The following SNRPN variants were observed in gnomAD, a reference collection of about 807,000 sequenced individuals.
SNRPN encodes the protein small nuclear ribonucleoprotein-associated protein N.
SNRPN carries 7 observed loss-of-function variants against 25.2 expected under a neutral mutation model. The observed-to-expected ratio is 0.28, with a 90% CI of 0.16 to 0.52. The LOEUF is 0.52. Among genes scored for constraint, SNRPN ranks in the 20% least tolerant of loss-of-function variants. SNRPN has a pLI of 0.96. For synonymous variants in SNRPN, 124 were observed against 110.6 expected (o/e 1.12, Z -0.76); for missense variants, 196 against 322.5 (o/e 0.61, Z 3.00).
intron 3 of SNRPN, among the ~76,000 whole-genome samples, chr15:24,924,525 C>A (rs79951021): frequency 0.017 from 2,571 of 152,234 alleles, 39 homozygotes; most frequent in South Asian, 0.034. Context: ...GTATGAGCTG[C>A]TCCCCACATA....
rs756691188 is a variant in SNRPN at position 24,975,392 on chromosome 15, T to C, written c.38T>C (p.Ile13Thr). 1 of 1,613,670 alleles carries C rather than the reference T, an allele frequency of 6.2e-7. No individual in the cohort carries two copies. The highest frequency in any genetic ancestry group is 1.7e-5 in the Admixed American group (1 of 60,022). ...AAGAGTAGCAAGATGCTGCAGCACA[T>C]TGACTATAGAATGAGATGTATCCTG... ...VGKSSKMLQHIDYRMRCILQD... is the reference protein window; with the variant it reads ...VGKSSKMLQHTDYRMRCILQD... The change falls in exon 5 of 10, where the codon ATT becomes ACT. Residue 13 changes from isoleucine (I) to threonine (T), a missense_variant. Coordinates refer to ENST00000390687, the MANE Select transcript of SNRPN (RefSeq NM_003097.6).
At chr15:24,966,725 A>G (rs576365520) in intron 2 of SNRPN, among the ~76,000 whole-genome samples, 13 of 152,348 alleles carry the variant, frequency 8.5e-5, no homozygotes, top group African/African-American at 2.9e-4. Context: ...AGCAAAGGCC[A>G]GTTAAATTCT....
chr15:24,956,674 G>A (rs1306282349), intron 1 of SNRPN, among the ~76,000 whole-genome samples: 1 of 152,230 alleles, frequency 6.6e-6, no homozygotes, highest in African/African-American at 2.4e-5. Context: ...TACAGCAGCT[G>A]TTCCTTTCCG....
At chr15:24,829,466 G>A (rs1404759121) in intron 1 of SNRPN, among the ~76,000 whole-genome samples, 1 of 152,076 alleles carries the variant, frequency 6.6e-6, no homozygotes, top group Non-Finnish European at 1.5e-5. Context: ...AAGGACCACT[G>A]GGATGAGTAA....
At chr15:24,957,033 C>T (rs1266912674) in intron 1 of SNRPN, among the ~76,000 whole-genome samples, 2 of 152,148 alleles carry the variant, frequency 1.3e-5, no homozygotes, top group Non-Finnish European at 2.9e-5. Context: ...TAGTTCCTCT[C>T]TTGGTTGTAT....
At position 24,929,441 on chromosome 15, in the gene SNRPN, T is replaced by A. The variant is rs2060649476; in HGVS notation, c.-391+9317T>A. ...TAGATTTAATATTAAACTTTTAAAATTTTCAGATAAATGTAAGCAGGCTTC... is the reference window on the plus strand; with the variant it reads ...TAGATTTAATATTAAACTTTTAAAAATTTCAGATAAATGTAAGCAGGCTTC... On this transcript the variant is annotated intron_variant, in intron 3 of 11. Coordinates refer to the SNRPN transcript ENST00000400097. This position sits in a 1 kb window ranked among gnomAD's most constrained non-coding sequence, Gnocchi z 5.3. Among the ~76,000 whole-genome samples, 1 of 152,102 alleles carries A rather than the reference T, an allele frequency of 6.6e-6. No individual in the cohort carries two copies. Among genetic ancestry groups the A allele is most frequent in the Non-Finnish European group, 1.5e-5 (1 of 68,030 alleles).
At chr15:24,857,343 GT>G (rs1237183717) in intron 1 of SNRPN, among the ~76,000 whole-genome samples, 3 of 152,050 alleles carry the variant, frequency 2.0e-5, no homozygotes, top group Non-Finnish European at 4.4e-5. Flanking sequence ...TCGGCATGAT[GT>G]TTGCACAGAT....
intron 1 of SNRPN, among the ~76,000 whole-genome samples, chr15:24,828,821 G>A (rs1324785471): frequency 1.3e-5 from 2 of 152,032 alleles, no homozygotes; most frequent in South Asian, 2.1e-4. Flanking sequence ...AAAATTGTTC[G>A]TTTAAAAGGG....
At chr15:24,828,119 G>A (rs2050232331) in intron 1 of SNRPN, among the ~76,000 whole-genome samples, 1 of 151,954 alleles carries the variant, frequency 6.6e-6, no homozygotes, top group African/African-American at 2.4e-5. Flanking sequence ...ACAATATTGA[G>A]ATTAACTCAT....
intron 3 of SNRPN, among the ~76,000 whole-genome samples, chr15:24,974,059 G>T (rs1038595687): frequency 6.6e-6 from 1 of 152,124 alleles, no homozygotes; most frequent in South Asian, 2.1e-4. Flanking sequence ...GGAAAATGAC[G>T]CTTAGTTTTT....
upstream of SNRPN, chr15:24,954,888 G>A: frequency 3.9e-6 from 4 of 1,029,744 alleles, no homozygotes; most frequent in Non-Finnish European, 5.8e-6. Flanking sequence ...CCCCTGCACT[G>A]CGGCAAACAA....
chr15:24,862,595 GC>G (rs2054086655), intron 1 of SNRPN, among the ~76,000 whole-genome samples: 1 of 151,116 alleles, frequency 6.6e-6, no homozygotes, highest in Non-Finnish European at 1.5e-5. Context: ...CATGTGTGGG[GC>G]TCACAGGGGA....
In SNRPN at chr15:24,962,217, C is replaced by T. The variant is rs371808119; in HGVS notation, c.-295+8C>T. 6.2e-7 allele frequency: 1 copy of T among 1,610,046 alleles called. No individual in the cohort carries two copies. The highest frequency in any genetic ancestry group is 8.5e-7 in the Non-Finnish European group (1 of 1,176,542). ...CTCACTGAGCAACCAAGAGTGAGTA[C>T]AGACTGTGTTGGGAACAAATGCAAG... On this transcript the variant is annotated splice_region_variant and intron_variant, in intron 2 of 9. Transcript: ENST00000390687.
In SNRPN at chr15:24,884,748, T is replaced by G. The variant is rs1272807750; in HGVS notation, c.-578-1768T>G. The stretch of plus-strand genomic sequence containing the variant: ...TTTGATATGAGAAACAATGTTGGAA[T>G]AATCATGCCTAGACATAAATAAGCC... On this transcript the variant is annotated intron_variant, in intron 1 of 11. Coordinates refer to the SNRPN transcript ENST00000400097. Among the ~76,000 whole-genome samples the G allele has an allele frequency of 2.0e-5, 3 of 152,198 alleles. 1 individual carries two copies. Among genetic ancestry groups the G allele is most frequent in the African/African-American group, 7.2e-5 (3 of 41,448 alleles).
At chr15:24,895,400 AACACACAC>A (rs10558727) in intron 2 of SNRPN, among the ~76,000 whole-genome samples, 12,910 of 147,158 alleles carry the variant, frequency 0.088, 682 homozygotes, top group South Asian at 0.21. Context: ...AATACACCCA[AACACACAC>A]ACACACACAC....
intron 3 of SNRPN, 189 bp downstream of exon 3, chr15:24,968,271 T>C: frequency 4.1e-6 from 2 of 485,708 alleles, no homozygotes; most frequent in South Asian, 4.6e-5. Flanking sequence ...GTCATGTTTC[T>C]GTATTCCAGT....
In SNRPN at chr15:24,962,167, T is replaced by G; in HGVS notation, c.-337T>G. 1 of 1,614,036 alleles carries G rather than the reference T, an allele frequency of 6.2e-7. No individual in the cohort carries two copies. The highest frequency in any genetic ancestry group is 8.5e-7 in the Non-Finnish European group (1 of 1,180,016). On this transcript the variant is annotated 5_prime_UTR_variant, in exon 2 of 10. Transcript: ENST00000390687. ...GAACAGCACGTACCAGAGGTGGAAG[T>G]CCAAGTCAAACGCAGAAGGACTGCC...
At chr15:24,924,180 A>G (rs1240783910) in intron 3 of SNRPN, among the ~76,000 whole-genome samples, 2 of 151,892 alleles carry the variant, frequency 1.3e-5, no homozygotes, top group African/African-American at 4.8e-5. Context: ...CAAATTAGAT[A>G]TGGACACAGG....
intron 1 of SNRPN, among the ~76,000 whole-genome samples, chr15:24,864,592 C>T (rs918109336): frequency 3.3e-5 from 5 of 151,812 alleles, no homozygotes; most frequent in African/African-American, 4.9e-5. Flanking sequence ...AATCTGCCCA[C>T]CTCAGCCTCC....
Sources: gnomAD v4.1 joint callset for allele counts (sites outside exome capture counted in the v4.1 genomes callset) on GRCh38, gnomAD v4.1.1 for gene constraint, Gnocchi (gnomAD v3.1) non-coding constraint, MANE v1.5 for transcripts, NCBI Gene and HGNC (gene_info 2026-07-23, HGNC 2026-07-21) for gene names.